FAR1: variants seen among roughly 807,000 people sequenced by gnomAD.
FAR1 encodes male sterility domain-containing protein 2.
FAR1 carries 22 observed loss-of-function variants against 61.1 expected under a neutral mutation model. That is an observed-to-expected ratio of 0.36 (90% CI 0.26 to 0.51). The LOEUF (loss-of-function observed/expected upper bound fraction) is 0.51, where lower values mean the gene tolerates loss of function less well. Among genes scored for constraint, FAR1 ranks in the 20% least tolerant of loss-of-function variants. The probability of loss-of-function intolerance (pLI) is 0.95; values close to 1 mark genes in which losing one functional copy is unlikely to be tolerated. For missense variants in FAR1, 359 were observed against 626.9 expected (o/e 0.57, Z 4.56); for synonymous variants, 206 against 209.7 (o/e 0.98, Z 0.15).
rs188900215 is a variant in FAR1, at chr11:13,684,159, C to T, written c.-7-10600C>T. ...TATCTCGAGAGGGAAAGTAATTTTT[C>T]ACATTCCATTCAGGAAATCCATCCT... On this transcript the variant is annotated intron_variant, in intron 1 of 11. Transcript: ENST00000354817. 6.4e-4 allele frequency among the ~76,000 whole-genome samples: 97 copies of T among 152,280 alleles called. 1 individual carries two copies. In the East Asian group the frequency reaches 0.013, roughly 20 times the overall value.
chr11:13,708,447 G>GCGCACACACACACACACACACACACA (rs139902063), intron 4 of FAR1, among the ~76,000 whole-genome samples: 1 of 136,700 alleles, frequency 7.3e-6, no homozygotes, highest in Non-Finnish European at 1.6e-5. Flanking sequence ...GCGCGCGCGC[G>GCGCACACACACACACACACACACACA]CACACACACA....
intron 3 of FAR1, among the ~76,000 whole-genome samples, chr11:13,703,761 G>T (rs981746700): frequency 6.6e-6 from 1 of 152,120 alleles, no homozygotes; most frequent in African/African-American, 2.4e-5. Context: ...AGTGTGGGGA[G>T]GGCTGGGCGT....
chr11:13,714,459 C>A, intron 8 of FAR1, 50 bp from the exon 9 acceptor site: 5 of 1,455,722 alleles, frequency 3.4e-6, no homozygotes, highest in Non-Finnish European at 3.7e-6. Flanking sequence ...TTTTTCAAAA[C>A]TTCATTACAT....
chr11:13,697,755 G>C (rs1250283403), intron 2 of FAR1, among the ~76,000 whole-genome samples: 1 of 152,138 alleles, frequency 6.6e-6, no homozygotes, highest in Non-Finnish European at 1.5e-5. Flanking sequence ...GAATGAAGAA[G>C]TACGAATCAG....
At chr11:13,699,867 C>T (rs1391513186) in intron 2 of FAR1, among the ~76,000 whole-genome samples, 2 of 151,974 alleles carry the variant, frequency 1.3e-5, no homozygotes, top group African/African-American at 2.4e-5. Context: ...GAATGTAAAT[C>T]GTGTTTTTTT....
chr11:13,698,848 T>C (rs1298935915), intron 2 of FAR1, among the ~76,000 whole-genome samples: 1 of 151,936 alleles, frequency 6.6e-6, no homozygotes, highest in Non-Finnish European at 1.5e-5. Flanking sequence ...AAAAAAAATC[T>C]TTATCAGTAG....
intron 2 of FAR1, among the ~76,000 whole-genome samples, chr11:13,695,615 G>A (rs1182913526): frequency 6.6e-6 from 1 of 152,096 alleles, no homozygotes; most frequent in Non-Finnish European, 1.5e-5. Context: ...TACACATAAG[G>A]AATCTGACTG....
In FAR1 at chr11:13,712,150, A is replaced by G. The variant is rs548858646; in HGVS notation, c.887+104A>G. ...AATCCCTCTATCCAGATATTGCCATACCAATATTTAGGCTGTATCACTGCC... is the reference window on the plus strand; with the variant it reads ...AATCCCTCTATCCAGATATTGCCATGCCAATATTTAGGCTGTATCACTGCC... On this transcript the variant is annotated intron_variant, in intron 7 of 11. Transcript: ENST00000354817. 1.2e-4 allele frequency: 98 copies of G among 818,390 alleles called. No individual in the cohort carries two copies. In the African/African-American group the frequency reaches 1.5e-3, roughly 12 times the overall value. The allele number at this position is 818,390 out of a possible 1,614,324, so 50.7% of individuals were successfully genotyped here. A position where few individuals can be genotyped will look rare whatever the true frequency, so the allele number is the denominator to read the frequency against.
chr11:13,720,331 A>G (rs1248617210), intron 9 of FAR1: 1 of 152,144 alleles, frequency 6.6e-6, no homozygotes, highest in African/African-American at 2.4e-5. Context: ...GTGATAGTAT[A>G]TATTGATGTA....
At position 13,708,099 on chromosome 11, in the gene FAR1, A is replaced by T; in HGVS notation, c.545+20A>T. 6.5e-7 allele frequency: 1 copy of T among 1,538,046 alleles called. No homozygotes were observed. Among genetic ancestry groups the T allele is most frequent in the Non-Finnish European group, 8.8e-7 (1 of 1,139,542 alleles). On this transcript the variant is annotated intron_variant, in intron 4 of 11. Coordinates refer to ENST00000354817, the MANE Select transcript of FAR1 (RefSeq NM_032228.6). ...TTTAGAGTATGTTTGTTTGAAATTTATATACATTTACTTTGATCCCAAAAG... is the reference window on the plus strand; with the variant it reads ...TTTAGAGTATGTTTGTTTGAAATTTTTATACATTTACTTTGATCCCAAAAG...
intron 1 of FAR1, among the ~76,000 whole-genome samples, chr11:13,685,995 C>CTCT (rs1225181991): frequency 6.6e-6 from 1 of 152,178 alleles, no homozygotes; most frequent in Non-Finnish European, 1.5e-5. Flanking sequence ...CTCTGAACTT[C>CTCT]TCTTCTAGCG....
chr11:13,686,527 G>A (rs1331364779), intron 1 of FAR1: 1 of 152,092 alleles, frequency 6.6e-6, no homozygotes, highest in Non-Finnish European at 1.5e-5. Flanking sequence ...AAAAAAAAGT[G>A]GTAATTTTTT....
intron 9 of FAR1, among the ~76,000 whole-genome samples, chr11:13,716,463 G>A (rs769941931): frequency 1.3e-5 from 2 of 152,194 alleles, no homozygotes; most frequent in Admixed American, 6.5e-5. Flanking sequence ...TCATGTGTTT[G>A]TGATCAGATG....
At chr11:13,725,230 CA>C (rs1239505896) in intron 10 of FAR1, among the ~76,000 whole-genome samples, 2 of 151,988 alleles carry the variant, frequency 1.3e-5, no homozygotes, top group Non-Finnish European at 2.9e-5. Flanking sequence ...TTCATATGTT[CA>C]GTTTAGCAGG....
chr11:13,693,814 A>G (rs1001236206), intron 1 of FAR1, among the ~76,000 whole-genome samples: 1 of 151,548 alleles, frequency 6.6e-6, no homozygotes, highest in African/African-American at 2.4e-5. Context: ...TTTTTGTTTG[A>G]CTTGGTTTAA....
chr11:13,703,128 T>C (rs1043756326), intron 3 of FAR1, among the ~76,000 whole-genome samples: 1 of 152,214 alleles, frequency 6.6e-6, no homozygotes, highest in Non-Finnish European at 1.5e-5. Flanking sequence ...TCTATAATAC[T>C]CCAGGCAGGC....
chr11:13,686,453 G>A (rs914321122), intron 1 of FAR1: 1 of 152,108 alleles, frequency 6.6e-6, no homozygotes, highest in African/African-American at 2.4e-5. Flanking sequence ...ATTAATTTGA[G>A]TTGTTTTAAA....
chr11:13,716,712 ATTC>A (rs1848561225), intron 9 of FAR1, among the ~76,000 whole-genome samples: 1 of 152,140 alleles, frequency 6.6e-6, no homozygotes, highest in African/African-American at 2.4e-5. Context: ...CTTTTGCCTC[ATTC>A]TTCTAGTTAC....
intron 1 of FAR1, among the ~76,000 whole-genome samples, chr11:13,681,423 A>G (rs551561257): frequency 1.3e-5 from 2 of 152,352 alleles, no homozygotes; most frequent in South Asian, 2.1e-4. Flanking sequence ...GAGCTTGTAC[A>G]GACCCTAACT....
Sources: allele counts gnomAD v4.1 joint callset (sites outside exome capture counted in the v4.1 genomes callset), GRCh38; gene constraint gnomAD v4.1.1; transcripts MANE v1.5; gene names NCBI Gene and HGNC (gene_info 2026-07-23, HGNC 2026-07-21).